Variants in CRB2 observed in about 807,000 individuals in gnomAD.
The protein encoded by CRB2 is crumbs cell polarity complex component 2.
A neutral mutation model predicts 110.9 loss-of-function variants in CRB2; 85 were observed. That is an observed-to-expected ratio of 0.77 (90% CI 0.64 to 0.92). The LOEUF is 0.92. CRB2 is among the 40% of genes least tolerant of loss of function. CRB2 has a pLI of 0.00. For synonymous variants in CRB2, 907 were observed against 831.0 expected (o/e 1.09, Z -1.57); for missense variants, 1,843 against 1,851.3 (o/e 1.00, Z 0.08).
intron 1 of CRB2, among the ~76,000 whole-genome samples, chr9:123,359,908 T>C (rs1239411382): frequency 1.3e-5 from 2 of 152,036 alleles, no homozygotes; most frequent in Non-Finnish European, 2.9e-5. Flanking sequence ...CTGCCCAGGC[T>C]GATATTGGAA....
rs1355443001 is a variant in CRB2, at chr9:123,371,168, C to G, written c.2026C>G (p.Leu676Val). The G allele has an allele frequency of 6.2e-7, 1 of 1,613,810 alleles. No homozygotes were observed. Among genetic ancestry groups the G allele is most frequent in the East Asian group, 2.2e-5 (1 of 44,880 alleles). The change falls in exon 8 of 13, where the codon CTC becomes GTC. Residue 676 changes from leucine to valine, a missense_variant. Physicochemically the swap from Leu to Val is conservative, Grantham distance 32 (BLOSUM62 1). Transcript: ENST00000373631. The part of the protein sequence containing the change: ...PGPNLTVSFL[L>V]RTRESAGLLL... ...TCCCAACCTCACAGTGTCTTTCCTTCTCCGCACTCGGGAGTCCGCTGGCCT... is the reference window on the plus strand; with the variant it reads ...TCCCAACCTCACAGTGTCTTTCCTTGTCCGCACTCGGGAGTCCGCTGGCCT...
At chr9:123,361,984 C>T (rs1222536229) in intron 1 of CRB2, among the ~76,000 whole-genome samples, 8 of 152,150 alleles carry the variant, frequency 5.3e-5, no homozygotes, top group African/African-American at 1.7e-4. Context: ...GTTAGAGCCC[C>T]GGTGCTGGAA....
chr9:123,373,071 G>C (rs2042039510), intron 9 of CRB2, 63 bp from the exon 10 acceptor site: 2 of 1,335,480 alleles, frequency 1.5e-6, no homozygotes, highest in Middle Eastern at 2.3e-4. Flanking sequence ...TGGGGGAAGT[G>C]GGGAGGTGGC....
chr9:123,361,138 G>GGC (rs1554781926), intron 1 of CRB2, among the ~76,000 whole-genome samples: 3,461 of 116,012 alleles, frequency 0.03, 155 homozygotes, highest in Admixed American at 0.072. Context: ...TGGGCGGGGA[G>GGC]GGGGGGGGGT....
At chr9:123,355,045 TAGGGACAAAC>T (rs1243791265), upstream of CRB2, among the ~76,000 whole-genome samples, 2 of 152,176 alleles carry the variant, frequency 1.3e-5, no homozygotes, top group Admixed American at 1.3e-4. Context: ...GGTTACTGAA[TAGGGACAAAC>T]AGGCATGTAT....
Position 123,373,214 on chromosome 9 carries a change from G to T in CRB2, c.2683G>T (p.Gly895Cys). ...CGCGTCGTCAGGGCGCTTGCTCGGCGGCCTGTCGCTGGCCTTTCGCACGCG... is the reference window on the plus strand; with the variant it reads ...CGCGTCGTCAGGGCGCTTGCTCGGCTGCCTGTCGCTGGCCTTTCGCACGCG... ...HNASSGRLLG[G>C]LSLAFRTRDS... is the part of the protein sequence containing the mutation. The change falls in exon 10 of 13, where the codon GGC (glycine) becomes TGC (cysteine). Residue 895 changes from glycine to cysteine, a missense_variant. Gly to Cys is a radical substitution (Grantham distance 159). Coordinates refer to ENST00000373631, the MANE Select transcript of CRB2 (RefSeq NM_173689.7). 1 of 1,511,286 alleles carries T rather than the reference G, an allele frequency of 6.6e-7. No homozygotes were observed. Among genetic ancestry groups the T allele is most frequent in the African/African-American group, 1.4e-5 (1 of 69,676 alleles). 93.6% of individuals were successfully genotyped at this position (1,511,286 alleles called of 1,614,324 possible).
intron 1 of CRB2, among the ~76,000 whole-genome samples, chr9:123,361,139 G>GCC (rs36027063): frequency 1.8e-5 from 2 of 110,748 alleles, no homozygotes; most frequent in Admixed American, 1.8e-4. Context: ...GGGCGGGGAG[G>GCC]GGGGGGGGTT....
chr9:123,354,548 A>C (rs2041778902), upstream of CRB2, among the ~76,000 whole-genome samples: 1 of 152,234 alleles, frequency 6.6e-6, no homozygotes, highest in South Asian at 2.1e-4. Context: ...GTCACCGGCT[A>C]ATCAGTGGCT....
At chr9:123,355,736 C>T (rs114085169), upstream of CRB2, among the ~76,000 whole-genome samples, 3,361 of 113,918 alleles carry the variant, frequency 0.03, 173 homozygotes, top group African/African-American at 0.11. Flanking sequence ...GGTGGGGGGA[C>T]GAGCTGGGTG....
At chr9:123,364,068 G>T (rs1007889368) in intron 2 of CRB2, among the ~76,000 whole-genome samples, 1 of 152,190 alleles carries the variant, frequency 6.6e-6, no homozygotes, top group African/African-American at 2.4e-5. Context: ...ACAGATTGGG[G>T]GGCTGGGTTC....
chr9:123,358,434 C>T (rs944536903), intron 1 of CRB2, among the ~76,000 whole-genome samples: 1 of 152,198 alleles, frequency 6.6e-6, no homozygotes, highest in Non-Finnish European at 1.5e-5. Context: ...GGCCCCTCCT[C>T]CAGCCAGAAG....
rs199628099 is a variant in CRB2 at position 123,371,566 on chromosome 9, G to C, written c.2424G>C (p.Glu808Asp). The C allele has an allele frequency of 3.1e-5, 50 of 1,612,870 alleles. No individual in the cohort carries two copies. The East Asian group carries it at 1.0e-3, about 32-fold the overall frequency. The change falls in exon 8 of 13, where the codon GAG becomes GAC. Residue 808 changes from glutamate to aspartate, a missense_variant. By Grantham distance (45) the Glu-to-Asp change is conservative. Coordinates refer to ENST00000373631, the MANE Select transcript of CRB2 (RefSeq NM_173689.7). ...ACCTCACTGCGGGCTGCGTCTCCGA[G>C]GACATGTGCAGTGTAAGTGTCTGGT... The part of the protein sequence containing the change: ...SWNLTAGCVS[E>D]DMCSPDPCFN...
At chr9:123,368,697 G>C (rs1037479725) in intron 6 of CRB2, 6 of 933,638 alleles carry the variant, frequency 6.4e-6, no homozygotes, top group Non-Finnish European at 7.9e-6. Flanking sequence ...AGGGAGGGGG[G>C]ACCCCAGCTG....
chr9:123,355,163 A>G (rs960861729), upstream of CRB2, among the ~76,000 whole-genome samples: 3 of 152,172 alleles, frequency 2.0e-5, no homozygotes, highest in African/African-American at 7.2e-5. Flanking sequence ...ATGTTGTTCT[A>G]TGTTGTAGTG....
Position 123,356,361 on chromosome 9 carries a change from T to G in CRB2, c.94+7T>G, listed in dbSNP as rs1228330617. The G allele has an allele frequency of 1.9e-6, 3 of 1,541,608 alleles. No individual in the cohort carries two copies. The highest frequency in any genetic ancestry group is 2.0e-5 in the Admixed American group (1 of 49,178). ...GCCCTTTCCCTCCTGGCTGGTGAGT[T>G]GGGGCCCATGTCTGGAGGGGCCTGG... On this transcript the variant is annotated splice_region_variant and intron_variant, in intron 1 of 12. Coordinates refer to ENST00000373631, the MANE Select transcript of CRB2 (RefSeq NM_173689.7).
chr9:123,370,719 A>C lies in CRB2; in HGVS notation c.1666A>C (p.Thr556Pro). ...CTCTGGTCCTGTGGCCCTGGCTTCC[A>C]CGGCTTCGGCAACTCCGCTGCCTGC... ...VASGPVALASTASATPLPAGI... is the reference protein window; with the variant it reads ...VASGPVALASPASATPLPAGI... The change falls in exon 7 of 13, where the codon ACG becomes CCG. Residue 556 changes from threonine (T) to proline (P), a missense_variant. Transcript: ENST00000373631. 1 of 1,603,884 alleles carries C rather than the reference A, an allele frequency of 6.2e-7. No individual in the cohort carries two copies. The highest frequency in any genetic ancestry group is 8.5e-7 in the Non-Finnish European group (1 of 1,179,834).
intron 1 of CRB2, among the ~76,000 whole-genome samples, chr9:123,357,804 T>C (rs1173302766): frequency 1.3e-5 from 2 of 152,232 alleles, no homozygotes; most frequent in South Asian, 2.1e-4. Flanking sequence ...CAGACACATG[T>C]GGATCTACCA....
chr9:123,360,328 C>G (rs1188120658), intron 1 of CRB2, among the ~76,000 whole-genome samples: 1 of 152,152 alleles, frequency 6.6e-6, no homozygotes, highest in Admixed American at 6.5e-5. Flanking sequence ...TCGGCCCAGG[C>G]AGCCTGAGGT....
chr9:123,370,439 A>C lies in CRB2; in HGVS notation c.1386A>C (p.Ala462=), dbSNP rs2041997190. 6.2e-7 allele frequency: 1 copy of C among 1,613,414 alleles called. No individual in the cohort carries two copies. The highest frequency in any genetic ancestry group is 8.5e-7 in the Non-Finnish European group (1 of 1,179,990). Residue 462 remains alanine, a synonymous_variant, in exon 7 of 13, where the codon GCA becomes GCC. Coordinates refer to ENST00000373631, the MANE Select transcript of CRB2 (RefSeq NM_173689.7). ...SVPAGGPLGL[A]LRFRTTLPAG... Reference sequence around the variant, plus strand: ...CAGCTGGTGGCCCCCTGGGTCTGGCACTGAGGTTTCGCACCACACTGCCCG... The same window carrying C: ...CAGCTGGTGGCCCCCTGGGTCTGGCCCTGAGGTTTCGCACCACACTGCCCG...
Sources: allele counts gnomAD v4.1 joint callset (sites outside exome capture counted in the v4.1 genomes callset), GRCh38; gene constraint gnomAD v4.1.1; transcripts MANE v1.5; gene names NCBI Gene and HGNC (gene_info 2026-07-23, HGNC 2026-07-21).